PIBF1: variants seen among roughly 807,000 people sequenced by gnomAD.
The protein encoded by PIBF1 is progesterone-induced-blocking factor 1.
In PIBF1, 90 loss-of-function variants were observed where a neutral mutation model predicts 112.5. The ratio of observed to expected loss-of-function variants is 0.80; its 90% CI spans 0.67 to 0.95. The LOEUF (loss-of-function observed/expected upper bound fraction) is 0.95. Among genes scored for constraint, PIBF1 ranks in the 40% least tolerant of loss-of-function variants. The probability of loss-of-function intolerance (pLI) is 0.00; values close to 1 mark genes in which losing one functional copy is unlikely to be tolerated. For synonymous variants in PIBF1, 301 were observed against 288.6 expected (o/e 1.04, Z -0.44); for missense variants, 915 against 852.3 (o/e 1.07, Z -0.92).
At chr13:72,933,110 A>G (rs1470150107) in intron 14 of PIBF1, among the ~76,000 whole-genome samples, 1 of 152,248 alleles carries the variant, frequency 6.6e-6, no homozygotes, top group Admixed American at 6.5e-5. Context: ...CAAACAAACA[A>G]ACCTCTGTTT....
chr13:72,876,162 A>G, intron 10 of PIBF1, among the ~76,000 whole-genome samples: 1 of 82,668 alleles, frequency 1.2e-5, no homozygotes, highest in Non-Finnish European at 2.2e-5. Flanking sequence ...TTGCATGTGA[A>G]TGTCCTATTG....
At chr13:72,828,450 C>T (rs2036935354) in intron 8 of PIBF1, among the ~76,000 whole-genome samples, 1 of 151,976 alleles carries the variant, frequency 6.6e-6, no homozygotes, top group Non-Finnish European at 1.5e-5. Context: ...CGACAGGCGC[C>T]GGTGTGTGAT....
chr13:72,970,340 T>C (rs9318127), intron 15 of PIBF1, among the ~76,000 whole-genome samples: 94,007 of 152,006 alleles, frequency 0.62, 29,888 homozygotes, highest in East Asian at 0.77. Context: ...AGACACTCTG[T>C]GTAATACAGT....
In PIBF1 at chr13:72,880,705, T is replaced by G. The variant is rs558902494; in HGVS notation, c.1323-13079T>G. Among the ~76,000 whole-genome samples, 3 of 152,320 alleles carry G rather than the reference T, an allele frequency of 2.0e-5. No individual in the cohort carries two copies. In the South Asian group the frequency reaches 6.2e-4, roughly 32 times the overall value. On this transcript the variant is annotated intron_variant, in intron 10 of 17. Transcript: ENST00000326291. ...ATTTGAAACTATAAAAATAAATACT[T>G]AAAGTCACATTACATTGAAAAATAC...
chr13:72,871,399 G>A (rs1224344057), intron 10 of PIBF1, among the ~76,000 whole-genome samples: 1 of 151,920 alleles, frequency 6.6e-6, no homozygotes, highest in Non-Finnish European at 1.5e-5. Flanking sequence ...TCCACCTCCC[G>A]GGTTCGAGCA....
At chr13:72,850,895 ACTT>A (rs1228275408) in intron 9 of PIBF1, among the ~76,000 whole-genome samples, 2 of 152,214 alleles carry the variant, frequency 1.3e-5, no homozygotes, top group East Asian at 3.9e-4. Context: ...TTTAGAATGC[ACTT>A]CCACTTAGTA....
intron 14 of PIBF1, among the ~76,000 whole-genome samples, chr13:72,936,840 A>G (rs1429445590): frequency 6.6e-6 from 1 of 152,108 alleles, no homozygotes; most frequent in African/African-American, 2.4e-5. Context: ...TTTGGTTGAC[A>G]TTACGTAAGT....
In PIBF1 at chr13:72,854,043, T is replaced by G; in HGVS notation, c.1224-14T>G. 1 of 1,533,226 alleles carries G rather than the reference T, an allele frequency of 6.5e-7. No individual in the cohort carries two copies. Among genetic ancestry groups the G allele is most frequent in the Non-Finnish European group, 9.0e-7 (1 of 1,106,940 alleles). 95.0% of individuals were successfully genotyped at this position (1,533,226 alleles called of 1,614,324 possible). A position where few individuals can be genotyped will look rare whatever the true frequency, so the allele number is the denominator to read the frequency against. ...ACGCATTTGAAATAACTGAAATCCA[T>G]GTTTAAAATTTAGAAATCTCCGAGA... On this transcript the variant is annotated splice_polypyrimidine_tract_variant and intron_variant, in intron 9 of 17. Coordinates refer to ENST00000326291, the MANE Select transcript of PIBF1 (RefSeq NM_006346.4).
At chr13:72,973,266 C>A (rs576708079) in intron 15 of PIBF1, among the ~76,000 whole-genome samples, 1 of 143,140 alleles carries the variant, frequency 7.0e-6, no homozygotes, top group South Asian at 2.1e-4. Context: ...CTGGGCAACA[C>A]AGCAAGACTC....
At chr13:72,894,105 T>G (rs1052389518) in intron 11 of PIBF1, among the ~76,000 whole-genome samples, 156 bp downstream of exon 11, 13 of 138,260 alleles carry the variant, frequency 9.4e-5, no homozygotes, top group African/African-American at 3.5e-4. Context: ...TTCAGAAAGA[T>G]GTATACTGAA....
At chr13:72,878,322 C>T (rs567201759) in intron 10 of PIBF1, among the ~76,000 whole-genome samples, 68 of 152,098 alleles carry the variant, frequency 4.5e-4, no homozygotes, top group African/African-American at 1.5e-3. Context: ...AGCACTTCTG[C>T]GTTCCACAAG....
At chr13:72,919,949 G>A (rs1378900811) in intron 13 of PIBF1, among the ~76,000 whole-genome samples, 1 of 152,092 alleles carries the variant, frequency 6.6e-6, no homozygotes, top group African/African-American at 2.4e-5. Context: ...TCTTCAGCCT[G>A]GGTGACAGAG....
chr13:72,968,303 T>A (rs1363595451), intron 15 of PIBF1, among the ~76,000 whole-genome samples: 1 of 151,952 alleles, frequency 6.6e-6, no homozygotes, highest in East Asian at 1.9e-4. Flanking sequence ...TTCTTTTTTT[T>A]CTTTTCTTTT....
chr13:72,931,942 T>C (rs1306295836), intron 14 of PIBF1, among the ~76,000 whole-genome samples: 6 of 142,908 alleles, frequency 4.2e-5, no homozygotes, highest in African/African-American at 7.7e-5. Context: ...TTCTTTCTTT[T>C]TTTTTTTTTT....
chr13:72,799,965 C>T (rs1566284953), intron 5 of PIBF1, among the ~76,000 whole-genome samples: 1 of 152,184 alleles, frequency 6.6e-6, no homozygotes, highest in African/African-American at 2.4e-5. Context: ...GGACCTGGTA[C>T]AGGTCAACTT....
At chr13:72,800,182 T>C (rs908643588) in intron 5 of PIBF1, among the ~76,000 whole-genome samples, 10 of 152,154 alleles carry the variant, frequency 6.6e-5, no homozygotes, top group Non-Finnish European at 1.5e-4. Context: ...CTTACAGGCA[T>C]GCGCTACCAC....
chr13:72,832,633 C>T (rs371653944), intron 8 of PIBF1, among the ~76,000 whole-genome samples: 20 of 152,268 alleles, frequency 1.3e-4, no homozygotes, highest in Non-Finnish European at 2.4e-4. Context: ...CAGAGAGATC[C>T]GCTGTTAGTC....
rs531311594 is a variant in PIBF1 at position 72,876,415 on chromosome 13, G to A, written c.1323-17369G>A. Among the ~76,000 whole-genome samples the A allele has an allele frequency of 1.5e-3, 233 of 151,908 alleles. No homozygotes were observed. The Middle Eastern group carries it at 0.017, about 11-fold the overall frequency. ...CTTTCCATATAATATTGGCTATTCT[G>A]GGTCTTTTGCCTGTCTATATTAACT... On this transcript the variant is annotated intron_variant, in intron 10 of 17. Coordinates refer to ENST00000326291, the MANE Select transcript of PIBF1 (RefSeq NM_006346.4).
chr13:72,904,429 A>ATTTATTTTTTTTTTTTTTTTT, intron 11 of PIBF1, among the ~76,000 whole-genome samples: 1 of 51,094 alleles, frequency 2.0e-5, no homozygotes, highest in Non-Finnish European at 3.6e-5. Context: ...ATATCAAAAT[A>ATTTATTTTTTTTTTTTTTTTT]TTTCTTTTTT....
Sources: gnomAD v4.1 joint callset for allele counts (sites outside exome capture counted in the v4.1 genomes callset) on GRCh38, gnomAD v4.1.1 for gene constraint, MANE v1.5 for transcripts, NCBI Gene and HGNC (gene_info 2026-07-23, HGNC 2026-07-21) for gene names.